The following ARID4B variants were observed in gnomAD, a reference collection of about 807,000 sequenced individuals.
The protein encoded by ARID4B is AT-rich interaction domain 4B, also known as AT-rich interactive domain-containing protein 4B.
A neutral mutation model predicts 147.5 loss-of-function variants in ARID4B; 26 were observed. The ratio of observed to expected loss-of-function variants is 0.18; its 90% CI spans 0.13 to 0.24. ARID4B has a LOEUF of 0.24. ARID4B is among the 10% of genes least tolerant of loss of function. The pLI is 1.00. For missense variants in ARID4B, 1,179 were observed against 1,511.5 expected (o/e 0.78, Z 3.65); for synonymous variants, 512 against 507.9 (o/e 1.01, Z -0.11).
chr1:235,237,368 G>C (rs1222747866), intron 8 of ARID4B, among the ~76,000 whole-genome samples: 1 of 152,010 alleles, frequency 6.6e-6, no homozygotes, highest in Non-Finnish European at 1.5e-5. Context: ...ATAGGTGTTA[G>C]CACACTCCTT....
At chr1:235,253,163 A>T (rs1669746751) in intron 5 of ARID4B, among the ~76,000 whole-genome samples, 1 of 152,226 alleles carries the variant, frequency 6.6e-6, no homozygotes, top group South Asian at 2.1e-4. Context: ...ACAGATATTG[A>T]CAGATTTACC....
chr1:235,326,279 T>C (rs987865771), intron 2 of ARID4B, among the ~76,000 whole-genome samples: 5 of 152,168 alleles, frequency 3.3e-5, no homozygotes, highest in African/African-American at 7.2e-5. Context: ...AGTTAACATA[T>C]TGACATCTAA....
At chr1:235,326,802 C>G (rs572760299) in intron 2 of ARID4B, 112 bp downstream of exon 2, 2 of 1,413,812 alleles carry the variant, frequency 1.4e-6, no homozygotes, top group African/African-American at 2.8e-5. Flanking sequence ...ACCAAGTCAC[C>G]AAACACACCT....
At position 235,240,370 on chromosome 1, in the gene ARID4B, A is replaced by C; in HGVS notation, c.528T>G (p.Val176=). ...RKQIDELLGK[V]VCVDYISLDK... is the part of the protein sequence containing the mutation. The stretch of plus-strand genomic sequence containing the variant: ...CCAAACTAATGTAATCTACACATAC[A>C]ACTTTGCCTAGTAGCTCATCAATCT... Residue 176 remains valine, a synonymous_variant, in exon 8 of 24, where the codon GTT becomes GTG. Coordinates refer to ENST00000264183, the MANE Select transcript of ARID4B (RefSeq NM_016374.6). 6.2e-7 allele frequency: 1 copy of C among 1,613,574 alleles called. No individual in the cohort carries two copies. The highest frequency in any genetic ancestry group is 8.5e-7 in the Non-Finnish European group (1 of 1,179,654).
intron 2 of ARID4B, among the ~76,000 whole-genome samples, chr1:235,321,528 CAG>C (rs1674835899): frequency 6.6e-6 from 1 of 152,126 alleles, no homozygotes; most frequent in Non-Finnish European, 1.5e-5. Context: ...TCTTTTAAGA[CAG>C]ACTCTTGCTC....
At chr1:235,278,041 A>G (rs1321217304) in intron 2 of ARID4B, among the ~76,000 whole-genome samples, 1 of 152,150 alleles carries the variant, frequency 6.6e-6, no homozygotes, top group East Asian at 1.9e-4. Context: ...GTACACACAC[A>G]AAGTATCATT....
chr1:235,213,978 CTCT>C lies in ARID4B; in HGVS notation c.1629_1631del (p.Glu553del), dbSNP rs769873475. 7 of 1,569,878 alleles carry C rather than the reference CTCT, an allele frequency of 4.5e-6. No homozygotes were observed. Among genetic ancestry groups the C allele is most frequent in the East Asian group, 4.5e-5 (2 of 44,674 alleles). On this transcript the variant is annotated inframe_deletion, in exon 17 of 24. Transcript: ENST00000264183. ...CTTCTTCTTCTTCCTCCTCCTCCTC[CTCT>C]TCTGCTTCTTCATCATCTTCATCTT...
rs1664391024 is a variant in ARID4B at position 235,182,552 on chromosome 1, T to C, written c.2367A>G (p.Leu789=). Residue 789 remains leucine, a synonymous_variant, in exon 20 of 24, where the codon TTA becomes TTG. Coordinates refer to ENST00000264183, the MANE Select transcript of ARID4B (RefSeq NM_016374.6). ...CTTCTTCATAATCAGTATCTTCGGA[T>C]AATACTTCTATATCTTTCCTTAATC... is the stretch of plus-strand genomic sequence containing the variant. ...PERLRKDIEV[L]SEDTDYEEDE... is the part of the protein sequence containing the mutation. 6.2e-7 allele frequency: 1 copy of C among 1,612,796 alleles called. No individual in the cohort carries two copies.
At chr1:235,252,490 A>T (rs550459760) in intron 6 of ARID4B, among the ~76,000 whole-genome samples, 3 of 152,324 alleles carry the variant, frequency 2.0e-5, no homozygotes, top group Admixed American at 2.0e-4. Flanking sequence ...ATAATAATTA[A>T]AGCCCATTGT....
chr1:235,182,557 C>T lies in ARID4B; in HGVS notation c.2362G>A (p.Val788Ile). ...TCATAATCAGTATCTTCGGATAATA[C>T]TTCTATATCTTTCCTTAATCTTTCT... The part of the protein sequence containing the change: ...SPERLRKDIE[V>I]LSEDTDYEED... The change falls in exon 20 of 24, where the codon GTA becomes ATA. Residue 788 changes from valine (V) to isoleucine (I), a missense_variant. Transcript: ENST00000264183. 3 of 1,612,190 alleles carry T rather than the reference C, an allele frequency of 1.9e-6. No individual in the cohort carries two copies. The highest frequency in any genetic ancestry group is 2.5e-6 in the Non-Finnish European group (3 of 1,179,618).
intron 4 of ARID4B, among the ~76,000 whole-genome samples, chr1:235,256,731 C>T (rs1471432173): frequency 6.6e-6 from 1 of 152,092 alleles, no homozygotes; most frequent in East Asian, 1.9e-4. Flanking sequence ...CATCACTAAT[C>T]CCTAGTTCAT....
chr1:235,230,606 A>C (rs1051859409), intron 10 of ARID4B, among the ~76,000 whole-genome samples: 5 of 131,302 alleles, frequency 3.8e-5, no homozygotes, highest in African/African-American at 1.1e-4. Flanking sequence ...AAAAAAAAAA[A>C]AAAAAAAAAA....
At chr1:235,185,975 C>T (rs1259704002) in intron 19 of ARID4B, among the ~76,000 whole-genome samples, 3 of 143,476 alleles carry the variant, frequency 2.1e-5, no homozygotes, top group East Asian at 2.0e-4. Flanking sequence ...TAGTTATTTG[C>T]TTTTTTTTTT....
At position 235,173,804 on chromosome 1, in the gene ARID4B, ATATATATATG is replaced by A. The variant is rs1334256262; in HGVS notation, c.3665-1050_3665-1041del. Among the ~76,000 whole-genome samples the A allele has an allele frequency of 4.1e-4, 34 of 82,158 alleles. 1 individual carries two copies. The highest frequency in any genetic ancestry group is 6.5e-4 in the African/African-American group (13 of 19,864). The allele number at this position is 82,158 out of a possible 152,430, so 53.9% of individuals were successfully genotyped here. A position where few individuals can be genotyped will look rare whatever the true frequency, so the allele number is the denominator to read the frequency against. ...TATATATATATATATATATATATAT[ATATATATATG>A]TATACCTAAAACATATATATATATA... On this transcript the variant is annotated intron_variant, in intron 22 of 23. Coordinates refer to ENST00000264183, the MANE Select transcript of ARID4B (RefSeq NM_016374.6).
intron 17 of ARID4B, among the ~76,000 whole-genome samples, chr1:235,209,863 C>A (rs2102999229): frequency 6.6e-6 from 1 of 152,084 alleles, no homozygotes; most frequent in East Asian, 1.9e-4. Flanking sequence ...CCGTGCCTGG[C>A]CTAAAAACAG....
chr1:235,207,012 G>A (rs1190487474), intron 17 of ARID4B, among the ~76,000 whole-genome samples: 2 of 152,250 alleles, frequency 1.3e-5, no homozygotes, highest in African/African-American at 4.8e-5. Flanking sequence ...TCTTTGATCA[G>A]TCAAGAAGGG....
chr1:235,288,703 C>T (rs1211077012), intron 2 of ARID4B, among the ~76,000 whole-genome samples: 1 of 152,210 alleles, frequency 6.6e-6, no homozygotes, highest in Non-Finnish European at 1.5e-5. Flanking sequence ...TCCTTGTGCA[C>T]CTGTACATGG....
intron 17 of ARID4B, among the ~76,000 whole-genome samples, chr1:235,196,868 A>AAAG (rs1665539188): frequency 1.3e-5 from 2 of 151,490 alleles, no homozygotes; most frequent in Admixed American, 1.3e-4. Context: ...AAAAAAAAAA[A>AAAG]AAAGAAATAA....
At chr1:235,264,213 CA>C (rs1249469458) in intron 2 of ARID4B, among the ~76,000 whole-genome samples, 2 of 152,118 alleles carry the variant, frequency 1.3e-5, no homozygotes, top group African/African-American at 4.8e-5. Context: ...GAATCTTACA[CA>C]TAATTGTTTA....
Sources: allele counts gnomAD v4.1 joint callset (sites outside exome capture counted in the v4.1 genomes callset), GRCh38; gene constraint gnomAD v4.1.1; transcripts MANE v1.5; gene names NCBI Gene and HGNC (gene_info 2026-07-23, HGNC 2026-07-21).